Variants in ZNF490 observed in about 807,000 individuals in gnomAD.
ZNF490 encodes the protein zinc finger protein 490.
A neutral mutation model predicts 17.7 loss-of-function variants in ZNF490; 11 were observed. The ratio of observed to expected loss-of-function variants is 0.62; its 90% confidence interval spans 0.39 to 1.03. ZNF490 has a LOEUF of 1.03. Among genes scored for constraint, ZNF490 ranks in the 50% least tolerant of loss-of-function variants. ZNF490 has a pLI of 0.00. For synonymous variants in ZNF490, 222 were observed against 216.1 expected (o/e 1.03, Z -0.24); for missense variants, 542 against 643.4 (o/e 0.84, Z 1.71).
In ZNF490 at chr19:12,586,610, AAG is replaced by A. The variant is rs1249347620; in HGVS notation, c.163-3056_163-3055del. Among the ~76,000 whole-genome samples the A allele has an allele frequency of 9.5e-5, 9 of 94,690 alleles. 3 individuals carry two copies. Among genetic ancestry groups the A allele is most frequent in the African/African-American group, 2.8e-4 (9 of 31,746 alleles). The allele number at this position is 94,690 out of a possible 152,430, so 62.1% of individuals were successfully genotyped here. A position where few individuals can be genotyped will look rare whatever the true frequency, so the allele number is the denominator to read the frequency against. ...TATATTAAAAGACTTAGACGGTTTG[AAG>A]AGAGAGTGCAGGCATCAGAACCAGA... On this transcript the variant is annotated intron_variant, in intron 2 of 4. Transcript: ENST00000311437.
At chr19:12,597,739 T>C (rs955420745) in intron 2 of ZNF490, among the ~76,000 whole-genome samples, 3 of 152,184 alleles carry the variant, frequency 2.0e-5, no homozygotes, top group Non-Finnish European at 4.4e-5. Context: ...CTTAGCATAA[T>C]GTCCTCAATC....
At chr19:12,599,139 C>CAAAAAAAAAAAAAAAAAAAAAA (rs55911311) in intron 2 of ZNF490, among the ~76,000 whole-genome samples, 7 of 68,612 alleles carry the variant, frequency 1.0e-4, no homozygotes, top group Non-Finnish European at 1.5e-4. Context: ...GACTCTGTCT[C>CAAAAAAAAAAAAAAAAAAAAAA]AAAAAAAAAA....
Position 12,587,798 on chromosome 19 carries a change from C to T in ZNF490, c.163-4242G>A, listed in dbSNP as rs1465353108. 1.2e-4 allele frequency among the ~76,000 whole-genome samples: 11 copies of T among 92,392 alleles called. 4 individuals are homozygous for T. Among genetic ancestry groups the T allele is most frequent in the African/African-American group, 3.6e-4 (11 of 30,774 alleles). 60.6% of individuals were successfully genotyped at this position (92,392 alleles called of 152,430 possible). On this transcript the variant is annotated intron_variant, in intron 2 of 4. Coordinates refer to ENST00000311437, the MANE Select transcript of ZNF490 (RefSeq NM_020714.3). ...GCAACCTCCACCTCCCGGGTTCAAG[C>T]GATTCTCCTGCCTCAGTCTCCTGAG...
chr19:12,596,177 G>A (rs6511826), intron 2 of ZNF490, among the ~76,000 whole-genome samples: 137,308 of 149,876 alleles, frequency 0.92, 63,342 homozygotes, highest in Middle Eastern at 0.99. Context: ...AGGCATAAGA[G>A]TTGCTTCAAC....
chr19:12,583,678 G>A, intron 2 of ZNF490, 122 bp from the exon 3 acceptor site: 4 of 971,750 alleles, frequency 4.1e-6, no homozygotes, highest in Non-Finnish European at 5.5e-6. Context: ...GTATAACTTG[G>A]TTGTCAGAAC....
intron 2 of ZNF490, among the ~76,000 whole-genome samples, chr19:12,599,139 C>CAAAAAAAAAAAAAAAAAAAA (rs55911311): frequency 2.9e-5 from 2 of 68,630 alleles, no homozygotes; most frequent in African/African-American, 6.7e-5. Flanking sequence ...GACTCTGTCT[C>CAAAAAAAAAAAAAAAAAAAA]AAAAAAAAAA....
intron 2 of ZNF490, among the ~76,000 whole-genome samples, chr19:12,596,560 G>A (rs542578563): frequency 1.3e-5 from 2 of 151,830 alleles, no homozygotes; most frequent in South Asian, 4.2e-4. Context: ...GATGCCTTTA[G>A]TCCCAGCTAC....
In ZNF490 at chr19:12,578,639, C is replaced by T. The variant is rs1009702530; in HGVS notation, c.*1846G>A. 8 of 985,394 alleles carry T rather than the reference C, an allele frequency of 8.1e-6. No individual in the cohort carries two copies. Among genetic ancestry groups the T allele is most frequent in the Non-Finnish European group, 8.4e-6 (7 of 829,954 alleles). The allele number at this position is 985,394 out of a possible 1,614,324, so 61.0% of individuals were successfully genotyped here. ...CCACTTGGGGAAAAACTGTAAGATG[C>T]GAACCTTTGTCTTAGAAGTACAGCA... On this transcript the variant is annotated 3_prime_UTR_variant, in exon 5 of 5. Transcript: ENST00000311437.
chr19:12,591,110 C>T (rs759705902), intron 2 of ZNF490, among the ~76,000 whole-genome samples: 27 of 142,746 alleles, frequency 1.9e-4, no homozygotes, highest in Non-Finnish European at 3.9e-4. Flanking sequence ...GCTCTGGGGC[C>T]GGGCACGGTG....
At chr19:12,604,869 G>A (rs1412877789) in intron 2 of ZNF490, among the ~76,000 whole-genome samples, 3 of 151,306 alleles carry the variant, frequency 2.0e-5, no homozygotes, top group African/African-American at 7.3e-5. Context: ...AATATCCTTT[G>A]TAGGCTGGGT....
Position 12,610,790 on chromosome 19 carries a change from C to A in ZNF490, c.-110G>T. 8.6e-7 allele frequency: 1 copy of A among 1,163,506 alleles called. No individual in the cohort carries two copies. The highest frequency in any genetic ancestry group is 1.3e-6 in the Non-Finnish European group (1 of 789,294). The allele number at this position is 1,163,506 out of a possible 1,614,324, so 72.1% of individuals were successfully genotyped here. On this transcript the variant is annotated 5_prime_UTR_variant, in exon 1 of 5. Transcript: ENST00000311437. ...TCCACGGAGGGCACCAGTTCCGTCCCACCGGCGGAAGCGAGATCTGCCTAG... is the reference window on the plus strand; with the variant it reads ...TCCACGGAGGGCACCAGTTCCGTCCAACCGGCGGAAGCGAGATCTGCCTAG...
At position 12,578,734 on chromosome 19, in the gene ZNF490, C is replaced by G. The variant is rs1027927536; in HGVS notation, c.*1751G>C. On this transcript the variant is annotated 3_prime_UTR_variant, in exon 5 of 5. Transcript: ENST00000311437. ...AGATTCTGGGAGTCTTCTCACTTCTCTCCAGTCATGTGTGAGAGCTGAGGG... is the reference window on the plus strand; with the variant it reads ...AGATTCTGGGAGTCTTCTCACTTCTGTCCAGTCATGTGTGAGAGCTGAGGG... 8.3e-5 allele frequency: 82 copies of G among 985,468 alleles called. No homozygotes were observed. Among genetic ancestry groups the G allele is most frequent in the Non-Finnish European group, 9.9e-5 (82 of 829,954 alleles). The allele number at this position is 985,468 out of a possible 1,614,324, so 61.0% of individuals were successfully genotyped here. A position where few individuals can be genotyped will look rare whatever the true frequency, so the allele number is the denominator to read the frequency against.
chr19:12,603,183 G>A (rs1472987134), intron 2 of ZNF490, among the ~76,000 whole-genome samples: 4 of 152,076 alleles, frequency 2.6e-5, no homozygotes, highest in African/African-American at 9.7e-5. Context: ...TTTCCTAAGC[G>A]ACTAGAGCAA....
intron 2 of ZNF490, among the ~76,000 whole-genome samples, chr19:12,607,417 C>G (rs2145169514): frequency 1.3e-5 from 2 of 152,000 alleles, no homozygotes; most frequent in South Asian, 4.2e-4. Flanking sequence ...CTAGTTCCAG[C>G]TACTAGTCCC....
chr19:12,588,459 T>G (rs903515156), intron 2 of ZNF490, among the ~76,000 whole-genome samples: 7 of 151,584 alleles, frequency 4.6e-5, no homozygotes, highest in Non-Finnish European at 1.0e-4. Context: ...AACCACAGAG[T>G]GGCAAAATAT....
At position 12,580,446 on chromosome 19, in the gene ZNF490, G is replaced by T. The variant is rs752716626; in HGVS notation, c.*39C>A. On this transcript the variant is annotated 3_prime_UTR_variant, in exon 5 of 5. Coordinates refer to ENST00000311437, the MANE Select transcript of ZNF490 (RefSeq NM_020714.3). ...GTAAGTACTCTCATACATCCAAAAG[G>T]AACTAATACAACTGACAGCATTACC... is the stretch of plus-strand genomic sequence containing the variant. 6.5e-7 allele frequency: 1 copy of T among 1,537,124 alleles called. No individual in the cohort carries two copies. The highest frequency in any genetic ancestry group is 8.7e-7 in the Non-Finnish European group (1 of 1,144,984).
Position 12,581,111 on chromosome 19 carries a change from G to GT in ZNF490, c.963dup (p.Arg322ThrfsTer4), listed in dbSNP as rs2022726768. Reference sequence around the variant, plus strand: ...CCAGTATGAGTTTTCTCATGACTCCGTAAGTACGTGGGACAACTGAAGGCT... The same window carrying GT: ...CCAGTATGAGTTTTCTCATGACTCCGTTAAGTACGTGGGACAACTGAAGGCT... On this transcript the variant is annotated frameshift_variant, in exon 5 of 5. Transcript: ENST00000311437. LOFTEE classifies it low-confidence loss of function (END_TRUNC). 1 of 1,614,018 alleles carries GT rather than the reference G, an allele frequency of 6.2e-7. No homozygotes were observed. The highest frequency in any genetic ancestry group is 8.5e-7 in the Non-Finnish European group (1 of 1,180,028).
intron 2 of ZNF490, among the ~76,000 whole-genome samples, chr19:12,583,972 A>G (rs1241390582): frequency 2.7e-5 from 4 of 150,882 alleles, no homozygotes; most frequent in Admixed American, 2.0e-4. Flanking sequence ...CACCACACCC[A>G]GCTAATTTTT....
chr19:12,606,091 G>C (rs865800100), intron 2 of ZNF490, among the ~76,000 whole-genome samples: 41 of 151,910 alleles, frequency 2.7e-4, no homozygotes, highest in African/African-American at 9.4e-4. Context: ...TGTTGGTCAG[G>C]CTGGTCTCAA....
Sources: gnomAD v4.1 joint callset for allele counts (sites outside exome capture counted in the v4.1 genomes callset) on GRCh38, gnomAD v4.1.1 for gene constraint, MANE v1.5 for transcripts, NCBI Gene and HGNC (gene_info 2026-07-23, HGNC 2026-07-21) for gene names.